Variants in IL1RAPL1 observed in about 807,000 individuals in gnomAD.
IL1RAPL1 encodes the protein interleukin 1 receptor accessory protein like 1.
In IL1RAPL1, 3 loss-of-function variants were observed where a neutral mutation model predicts 48.4. That is an observed-to-expected ratio of 0.06 (90% CI 0.03 to 0.16). The LOEUF is 0.16. IL1RAPL1 is among the 10% of genes least tolerant of loss of function. The probability of loss-of-function intolerance (pLI) is 1.00; values close to 1 mark genes in which losing one functional copy is unlikely to be tolerated. For synonymous variants in IL1RAPL1, 185 were observed against 187.7 expected (o/e 0.99, Z 0.12); for missense variants, 349 against 530.6 (o/e 0.66, Z 3.36).
intron 3 of IL1RAPL1, among the ~76,000 whole-genome samples, chrX:29,320,765 CA>C (rs1284334734): frequency 1.1e-4 from 11 of 96,464 alleles, no homozygotes; most frequent in East Asian, 3.2e-4. Context: ...GACTCCATCT[CA>C]AAAAAAAAAG....
chrX:28,615,125 T>G (rs1934198269), intron 1 of IL1RAPL1, among the ~76,000 whole-genome samples: 2 of 107,140 alleles, frequency 1.9e-5, no homozygotes, highest in South Asian at 4.2e-4. Context: ...CCTGACCTCG[T>G]GATCTGCCCG....
chrX:28,912,377 C>A (rs1923382453), intron 2 of IL1RAPL1, among the ~76,000 whole-genome samples: 1 of 110,655 alleles, frequency 9.0e-6, no homozygotes, highest in African/African-American at 3.3e-5. Flanking sequence ...AAGAAACTTG[C>A]TTAAAGTCAA....
intron 5 of IL1RAPL1, among the ~76,000 whole-genome samples, chrX:29,473,376 T>G (rs923250660): frequency 9.0e-6 from 1 of 111,058 alleles, no homozygotes; most frequent in Admixed American, 9.6e-5. Context: ...ATATATAAAT[T>G]TGAGAGGGAT....
chrX:29,185,440 A>G (rs190401665), intron 2 of IL1RAPL1, among the ~76,000 whole-genome samples: 1 of 112,187 alleles, frequency 8.9e-6, no homozygotes, highest in East Asian at 2.8e-4. Context: ...AATGAGAATA[A>G]TAATGTTGAT....
At chrX:29,522,124 A>G (rs1424682280) in intron 5 of IL1RAPL1, among the ~76,000 whole-genome samples, 2 of 111,621 alleles carry the variant, frequency 1.8e-5, no homozygotes, top group Non-Finnish European at 3.8e-5. Flanking sequence ...TTCTAGCCTA[A>G]CTTGACCATT....
At chrX:28,748,726 G>T (rs1936006926) in intron 1 of IL1RAPL1, among the ~76,000 whole-genome samples, 1 of 111,215 alleles carries the variant, frequency 9.0e-6, no homozygotes, top group African/African-American at 3.3e-5. Flanking sequence ...TGTATACATT[G>T]TGTAATGTTC....
intron 8 of IL1RAPL1, among the ~76,000 whole-genome samples, chrX:29,924,094 A>G (rs1932866908): frequency 8.9e-6 from 1 of 112,010 alleles, no homozygotes. Context: ...GGGAATAATA[A>G]TAAGACCTCT....
At chrX:28,885,644 A>G (rs1048948306) in intron 2 of IL1RAPL1, among the ~76,000 whole-genome samples, 1 of 111,593 alleles carries the variant, frequency 9.0e-6, no homozygotes, top group Non-Finnish European at 1.9e-5. Flanking sequence ...GATTTACCTA[A>G]TTCATGGATT....
chrX:28,739,054 G>C (rs376489931), intron 1 of IL1RAPL1, among the ~76,000 whole-genome samples: 6 of 110,948 alleles, frequency 5.4e-5, no homozygotes, highest in African/African-American at 1.6e-4. Context: ...GGTGTTCAAG[G>C]CCCTTCATAA....
intron 3 of IL1RAPL1, among the ~76,000 whole-genome samples, chrX:29,380,131 T>C (rs956069478): frequency 1.0e-4 from 11 of 109,178 alleles, no homozygotes; most frequent in African/African-American, 3.7e-4. Context: ...TTTTTCCTAC[T>C]AGATTACTGA....
At chrX:28,739,047 G>A (rs1367623913) in intron 1 of IL1RAPL1, among the ~76,000 whole-genome samples, 2 of 111,256 alleles carry the variant, frequency 1.8e-5, no homozygotes, top group African/African-American at 6.5e-5. Flanking sequence ...CTTAAATGGT[G>A]TTCAAGGCCC....
chrX:29,951,687 A>G lies in IL1RAPL1; in HGVS notation c.1202-2835A>G, dbSNP rs761875650. Among the ~76,000 whole-genome samples the G allele has an allele frequency of 2.7e-5, 3 of 112,207 alleles. No individual in the cohort carries two copies. The East Asian group carries it at 8.4e-4, about 31-fold the overall frequency. On this transcript the variant is annotated intron_variant, in intron 9 of 10. Transcript: ENST00000378993. ...GAAGTTTTGACATTAAAGAAATGAG[A>G]TTTTTATGTTACTAAAATTAAAATG...
At chrX:29,283,332 TTGC>T (rs781664683) in intron 3 of IL1RAPL1, 115 bp downstream of exon 3, 34 of 696,036 alleles carry the variant, frequency 4.9e-5, no homozygotes, top group Non-Finnish European at 7.0e-5. Flanking sequence ...TTTGCATGTG[TTGC>T]TGCTTTCTAA....
intron 5 of IL1RAPL1, among the ~76,000 whole-genome samples, chrX:29,478,949 T>G (rs1295916147): frequency 9.0e-6 from 1 of 111,068 alleles, no homozygotes; most frequent in Admixed American, 9.6e-5. Flanking sequence ...ACTTAATATT[T>G]TATATATTAA....
chrX:29,859,733 A>G (rs1370373678), intron 6 of IL1RAPL1, among the ~76,000 whole-genome samples: 3 of 112,175 alleles, frequency 2.7e-5, no homozygotes, highest in African/African-American at 9.7e-5. Context: ...AATGAGTTCA[A>G]TTGTCGTTGG....
intron 1 of IL1RAPL1, among the ~76,000 whole-genome samples, chrX:28,752,472 A>G (rs1239800338): frequency 8.9e-6 from 1 of 112,434 alleles, no homozygotes; most frequent in Non-Finnish European, 1.9e-5. Context: ...CCACTTAGCT[A>G]CAATGTTCAG....
chrX:29,751,944 GA>G (rs1299996207), intron 6 of IL1RAPL1, among the ~76,000 whole-genome samples: 1 of 104,184 alleles, frequency 9.6e-6, no homozygotes, highest in Admixed American at 1.1e-4. Flanking sequence ...AAAAAAACAT[GA>G]AAAAATGTAA....
intron 2 of IL1RAPL1, among the ~76,000 whole-genome samples, chrX:28,897,379 C>G (rs970741861): frequency 8.9e-6 from 1 of 111,763 alleles, no homozygotes; most frequent in Non-Finnish European, 1.9e-5. Context: ...TTCCCGAGCC[C>G]GTGACCAGCA....
chrX:29,930,558 A>G (rs1332687215), intron 8 of IL1RAPL1, among the ~76,000 whole-genome samples: 1 of 112,133 alleles, frequency 8.9e-6, no homozygotes, highest in Non-Finnish European at 1.9e-5. Context: ...TCGAGGTGGC[A>G]TGATTCCATG....
Sources: allele counts gnomAD v4.1 joint callset (sites outside exome capture counted in the v4.1 genomes callset), GRCh38; gene constraint gnomAD v4.1.1; transcripts MANE v1.5; gene names NCBI Gene and HGNC (gene_info 2026-07-23, HGNC 2026-07-21).